PBX2: variants seen among roughly 807,000 people sequenced by gnomAD.
The protein encoded by PBX2 is pre-B-cell leukemia transcription factor 2.
A neutral mutation model predicts 46.5 loss-of-function variants in PBX2; 10 were observed. That is an observed-to-expected ratio of 0.21 (90% CI 0.13 to 0.36). The LOEUF (loss-of-function observed/expected upper bound fraction) is 0.36, where lower values mean the gene tolerates loss of function less well. Among genes scored for constraint, PBX2 ranks in the 10% least tolerant of loss-of-function variants. The pLI, the probability that PBX2 is intolerant of heterozygous loss-of-function variation, is 1.00. For missense variants in PBX2, 392 were observed against 580.5 expected (o/e 0.68, Z 3.34); for synonymous variants, 160 against 222.5 (o/e 0.72, Z 2.50).
At position 32,189,928 on chromosome 6, in the gene PBX2, G is replaced by C. The variant is rs760465390; in HGVS notation, c.-13C>G. 80 of 1,161,084 alleles carry C rather than the reference G, an allele frequency of 6.9e-5. 2 individuals carry two copies. The South Asian group carries it at 1.0e-3, about 15-fold the overall frequency. The allele number at this position is 1,161,084 out of a possible 1,614,324, so 71.9% of individuals were successfully genotyped here. A position where few individuals can be genotyped will look rare whatever the true frequency, so the allele number is the denominator to read the frequency against. ...GCCGTTCGTCCATAGCTGGGGGGGG[G>C]CCCTGAGGCCCCCTCCCTGCTCCGC... On this transcript the variant is annotated 5_prime_UTR_variant, in exon 1 of 9. Transcript: ENST00000375050. This position sits in a 1 kb window ranked among gnomAD's most constrained non-coding sequence, Gnocchi z 4.7.
rs764145411 is a variant in PBX2, at chr6:32,187,689, G to A, written c.828C>T (p.Ala276=). ...HLSNPYPSEE[A]KEELAKKCGI... is the part of the protein sequence containing the mutation. Reference sequence around the variant, plus strand: ...CACACTTCTTGGCAAGCTCCTCCTTGGCCTCCTCACTAGGATATGGGTTAC... The same window carrying A: ...CACACTTCTTGGCAAGCTCCTCCTTAGCCTCCTCACTAGGATATGGGTTAC... Residue 276 remains alanine, a synonymous_variant, in exon 5 of 9, where the codon GCC becomes GCT. Coordinates refer to ENST00000375050, the MANE Select transcript of PBX2 (RefSeq NM_002586.5). The surrounding 1 kb of genome is among the most constrained non-coding windows in gnomAD (Gnocchi z 7.7). The A allele has an allele frequency of 6.9e-5, 111 of 1,605,446 alleles. No individual in the cohort carries two copies. The highest frequency in any genetic ancestry group is 8.7e-5 in the Non-Finnish European group (102 of 1,176,386).
Position 32,187,986 on chromosome 6 carries a change from G to C in PBX2, c.714C>G (p.Arg238=). The change falls in exon 4 of 9, where the codon CGC becomes CGG. Residue 238 remains arginine, a synonymous_variant. Transcript: ENST00000375050. The surrounding 1 kb of genome is among the most constrained non-coding windows in gnomAD (Gnocchi z 7.7). ...QSTCEAVMIL[R]SRFLDARRKR... is the part of the protein sequence containing the mutation. ...CCCACCTGGCATCCAGGAAACGGGAGCGCAGGATCATCACAGCCTCGCAGG... is the reference window on the plus strand; with the variant it reads ...CCCACCTGGCATCCAGGAAACGGGACCGCAGGATCATCACAGCCTCGCAGG... 6.4e-7 allele frequency: 1 copy of C among 1,565,692 alleles called. No individual in the cohort carries two copies. Among genetic ancestry groups the C allele is most frequent in the Non-Finnish European group, 8.7e-7 (1 of 1,153,406 alleles).
Position 32,189,910 on chromosome 6 carries a change from G to C in PBX2, c.6C>G (p.Asp2Glu). The C allele has an allele frequency of 7.4e-7, 1 of 1,345,876 alleles. No individual in the cohort carries two copies. The allele number at this position is 1,345,876 out of a possible 1,614,324, so 83.4% of individuals were successfully genotyped here. Reference protein sequence around the residue: MDERLLGPPPPG... With the variant: MEERLLGPPPPG... ...GAGGGGGCGGCCCCAGTAGCCGTTCGTCCATAGCTGGGGGGGGGCCCTGAG... is the reference window on the plus strand; with the variant it reads ...GAGGGGGCGGCCCCAGTAGCCGTTCCTCCATAGCTGGGGGGGGGCCCTGAG... Residue 2 changes from aspartate (D) to glutamate (E), a missense_variant, in exon 1 of 9, where the codon GAC becomes GAG. By Grantham distance (45) the Asp-to-Glu change is conservative (BLOSUM62 2). This residue lies in a region of PBX2 where 196 missense variants were observed against 246.9 expected (regional missense o/e 0.79). Transcript: ENST00000375050. The surrounding 1 kb of genome is among the most constrained non-coding windows in gnomAD (Gnocchi z 4.7).
In PBX2 at chr6:32,186,226, AC is replaced by A. The variant is rs953852597; in HGVS notation, c.*155del. On this transcript the variant is annotated 3_prime_UTR_variant, in exon 9 of 9. Transcript: ENST00000375050. The surrounding 1 kb of genome is among the most constrained non-coding windows in gnomAD (Gnocchi z 4.2). ...CCATTCTTCCTGCCATGTAATTAGC[AC>A]CCCCAGCACAGAGAGTCTCGTTAGG... is the stretch of plus-strand genomic sequence containing the variant. 31 of 611,098 alleles carry A rather than the reference AC, an allele frequency of 5.1e-5. No homozygotes were observed. The highest frequency in any genetic ancestry group is 8.9e-5 in the Non-Finnish European group (30 of 335,802). 37.9% of individuals were successfully genotyped at this position (611,098 alleles called of 1,614,324 possible). A position where few individuals can be genotyped will look rare whatever the true frequency, so the allele number is the denominator to read the frequency against.
chr6:32,187,136 C>A lies in PBX2; in HGVS notation c.1024+106G>T. The stretch of plus-strand genomic sequence containing the variant: ...TCCAGCCTATCTCAGCTCGGTCCCT[C>A]TCACCCCAAAAGGCCCCCTCTCTGC... On this transcript the variant is annotated intron_variant, in intron 6 of 8. Coordinates refer to ENST00000375050, the MANE Select transcript of PBX2 (RefSeq NM_002586.5). The surrounding 1 kb of genome is among the most constrained non-coding windows in gnomAD (Gnocchi z 7.7). 1 of 1,420,600 alleles carries A rather than the reference C, an allele frequency of 7.0e-7. No individual in the cohort carries two copies. The highest frequency in any genetic ancestry group is 2.4e-5 in the East Asian group (1 of 41,838). The allele number at this position is 1,420,600 out of a possible 1,614,324, so 88.0% of individuals were successfully genotyped here. A position where few individuals can be genotyped will look rare whatever the true frequency, so the allele number is the denominator to read the frequency against.
In PBX2 at chr6:32,188,361, C is replaced by T. The variant is rs776911449; in HGVS notation, c.439G>A (p.Gly147Ser). 8 of 1,614,168 alleles carry T rather than the reference C, an allele frequency of 5.0e-6. No homozygotes were observed. The South Asian group carries it at 7.7e-5, about 16-fold the overall frequency. ...GAGTTGTCAGGGGACACACCACCAC[C>T]AGAGGCTGCAGCGGCTGCAGCTGCT... ...AAAAAAAAAS[G>S]GGVSPDNSIE... The change falls in exon 3 of 9, where the codon GGT becomes AGT. Residue 147 changes from glycine (G) to serine (S), a missense_variant. Physicochemically the swap from Gly to Ser is moderately conservative, Grantham distance 56 (BLOSUM62 0). Around this residue, in one of 3 missense-constraint regions of PBX2, gnomAD observed 196 missense variants for 246.9 expected, o/e 0.79. Coordinates refer to ENST00000375050, the MANE Select transcript of PBX2 (RefSeq NM_002586.5). This position sits in a 1 kb window ranked among gnomAD's most constrained non-coding sequence, Gnocchi z 6.5.
Position 32,185,090 on chromosome 6 carries a change from T to C in PBX2, c.*1292A>G, listed in dbSNP as rs1225526549. ...AAAAGATACCTCATTTATGGGGAAA[T>C]TGAGGAAGATACATATACAAGCACC... is the stretch of plus-strand genomic sequence containing the variant. On this transcript the variant is annotated 3_prime_UTR_variant, in exon 9 of 9. Coordinates refer to ENST00000375050, the MANE Select transcript of PBX2 (RefSeq NM_002586.5). The C allele has an allele frequency of 2.0e-5, 3 of 152,574 alleles. No homozygotes were observed. Among genetic ancestry groups the C allele is most frequent in the African/African-American group, 7.2e-5 (3 of 41,424 alleles). 9.5% of individuals were successfully genotyped at this position (152,574 alleles called of 1,614,324 possible). A position where few individuals can be genotyped will look rare whatever the true frequency, so the allele number is the denominator to read the frequency against.
In PBX2 at chr6:32,189,813, C is replaced by T. The variant is rs1262782632; in HGVS notation, c.103G>A (p.Gly35Arg). The T allele has an allele frequency of 3.1e-6, 5 of 1,589,742 alleles. No homozygotes were observed. In the African/African-American group the frequency reaches 5.4e-5, roughly 17 times the overall value. Residue 35 changes from glycine (G) to arginine (R), a missense_variant, in exon 1 of 9, where the codon GGA becomes AGA. By Grantham distance (125) the Gly-to-Arg change is moderately radical. Around this residue, in one of 3 missense-constraint regions of PBX2, gnomAD observed 196 missense variants for 246.9 expected, o/e 0.79. Coordinates refer to ENST00000375050, the MANE Select transcript of PBX2 (RefSeq NM_002586.5). This position sits in a 1 kb window ranked among gnomAD's most constrained non-coding sequence, Gnocchi z 4.7. ...PGGPGEPPGG[G>R]DPGGGSGGVP... ...CCCCCGCTACCCCCACCGGGGTCTC[C>T]GCCACCGGGAGGCTCGCCAGGGCCC...
Position 32,184,816 on chromosome 6 carries a change from G to A in PBX2, c.*1566C>T. 6.6e-6 allele frequency: 1 copy of A among 152,092 alleles called. No individual in the cohort carries two copies. The highest frequency in any genetic ancestry group is 1.5e-5 in the Non-Finnish European group (1 of 68,130). The allele number at this position is 152,092 out of a possible 1,614,324, so 9.4% of individuals were successfully genotyped here. A position where few individuals can be genotyped will look rare whatever the true frequency, so the allele number is the denominator to read the frequency against. On this transcript the variant is annotated 3_prime_UTR_variant, in exon 9 of 9. Coordinates refer to ENST00000375050, the MANE Select transcript of PBX2 (RefSeq NM_002586.5). ...CTACACAAGTTTACAAGTGAGGAGA[G>A]AACTGCCCCCGGCCCATGCCTCCCA...
In PBX2 at chr6:32,188,379, C is replaced by T. The variant is rs763398057; in HGVS notation, c.421G>A (p.Ala141Thr). 4.3e-6 allele frequency: 7 copies of T among 1,614,026 alleles called. No homozygotes were observed. In the South Asian group the frequency reaches 4.4e-5, roughly 10 times the overall value. Residue 141 changes from alanine (A) to threonine (T), a missense_variant, in exon 3 of 9, where the codon GCA (alanine) becomes ACA (threonine). This residue lies in a region of PBX2 where 196 missense variants were observed against 246.9 expected (regional missense o/e 0.79). Transcript: ENST00000375050. This position sits in a 1 kb window ranked among gnomAD's most constrained non-coding sequence, Gnocchi z 6.5. Reference protein sequence around the residue: ...EKGGGSAAAAAAAAASGGGVS... With the variant: ...EKGGGSAAAATAAAASGGGVS... ...CCACCACCAGAGGCTGCAGCGGCTG[C>T]AGCTGCTGCTGCTGAGCCGCCCCCT...
In PBX2 at chr6:32,186,300, T is replaced by C. The variant is rs972462649; in HGVS notation, c.*82A>G. 3.8e-5 allele frequency: 34 copies of C among 905,842 alleles called. No homozygotes were observed. The African/African-American group carries it at 4.7e-4, about 13-fold the overall frequency. 56.1% of individuals were successfully genotyped at this position (905,842 alleles called of 1,614,324 possible). On this transcript the variant is annotated 3_prime_UTR_variant, in exon 9 of 9. Coordinates refer to ENST00000375050, the MANE Select transcript of PBX2 (RefSeq NM_002586.5). This position sits in a 1 kb window ranked among gnomAD's most constrained non-coding sequence, Gnocchi z 4.2. ...TTCTCTGTCTTGTGCTTCTCCTGTA[T>C]TGGGGTTTGTCCTCTGGAAGCCTGC...
chr6:32,187,050 G>A lies in PBX2; in HGVS notation c.1025-149C>T. ...CACAGAAAGAGCAGGCTGTTCCTTGGCCACCCGTGGGAAGAAAGGCAGAAC... is the reference window on the plus strand; with the variant it reads ...CACAGAAAGAGCAGGCTGTTCCTTGACCACCCGTGGGAAGAAAGGCAGAAC... On this transcript the variant is annotated intron_variant, in intron 6 of 8. Coordinates refer to ENST00000375050, the MANE Select transcript of PBX2 (RefSeq NM_002586.5). This position sits in a 1 kb window ranked among gnomAD's most constrained non-coding sequence, Gnocchi z 7.7. The A allele has an allele frequency of 9.8e-7, 1 of 1,025,290 alleles. No homozygotes were observed. Among genetic ancestry groups the A allele is most frequent in the South Asian group, 1.5e-5 (1 of 65,026 alleles). The allele number at this position is 1,025,290 out of a possible 1,614,324, so 63.5% of individuals were successfully genotyped here.
At position 32,188,267 on chromosome 6, in the gene PBX2, T is replaced by G. The variant is rs766471830; in HGVS notation, c.533A>C (p.Lys178Thr). ...IRHIYHSELE[K>T]YEQACNEFTT... ...GCCTCCTCTCCTTACCTGCTCATACTTCTCCAGCTCCGAGTGGTATATGTG... is the reference window on the plus strand; with the variant it reads ...GCCTCCTCTCCTTACCTGCTCATACGTCTCCAGCTCCGAGTGGTATATGTG... Residue 178 changes from lysine to threonine, a missense_variant, in exon 3 of 9, where the codon AAG (lysine) becomes ACG (threonine). This residue lies in a region of PBX2 where 196 missense variants were observed against 246.9 expected (regional missense o/e 0.79). Coordinates refer to ENST00000375050, the MANE Select transcript of PBX2 (RefSeq NM_002586.5). This position sits in a 1 kb window ranked among gnomAD's most constrained non-coding sequence, Gnocchi z 6.5. 6.2e-7 allele frequency: 1 copy of G among 1,613,880 alleles called. No homozygotes were observed. Among genetic ancestry groups the G allele is most frequent in the Non-Finnish European group, 8.5e-7 (1 of 1,180,012 alleles).
chr6:32,188,672 T>C lies in PBX2; in HGVS notation c.295+51A>G, dbSNP rs1419195919. On this transcript the variant is annotated intron_variant, in intron 2 of 8. Coordinates refer to ENST00000375050, the MANE Select transcript of PBX2 (RefSeq NM_002586.5). The surrounding 1 kb of genome is among the most constrained non-coding windows in gnomAD (Gnocchi z 6.5). ...AAGTTGTCACACTCTAGCCCTATAATGAACAGGGTTCTGTTCCCAGAGTTG... is the reference window on the plus strand; with the variant it reads ...AAGTTGTCACACTCTAGCCCTATAACGAACAGGGTTCTGTTCCCAGAGTTG... The C allele has an allele frequency of 1.3e-6, 2 of 1,592,990 alleles. No homozygotes were observed. Among genetic ancestry groups the C allele is most frequent in the East Asian group, 2.2e-5 (1 of 44,674 alleles).
chr6:32,188,748 G>A lies in PBX2; in HGVS notation c.270C>T (p.Val90=). 6.2e-7 allele frequency: 1 copy of A among 1,612,962 alleles called. No homozygotes were observed. Among genetic ancestry groups the A allele is most frequent in the Non-Finnish European group, 8.5e-7 (1 of 1,179,992 alleles). ...CHRMKPALFS[V]LCEIKEKTGL... is the part of the protein sequence containing the mutation. ...CAGTTTTCTCCTTGATTTCACACAG[G>A]ACGCTAAAGAGAGCAGGCTTCATTC... The change falls in exon 2 of 9, where the codon GTC becomes GTT. Residue 90 remains valine, a synonymous_variant. Coordinates refer to ENST00000375050, the MANE Select transcript of PBX2 (RefSeq NM_002586.5). The surrounding 1 kb of genome is among the most constrained non-coding windows in gnomAD (Gnocchi z 6.5).
rs747207411 is a variant in PBX2, at chr6:32,187,420, G to A, written c.871-25C>T. On this transcript the variant is annotated intron_variant, in intron 5 of 8. Transcript: ENST00000375050. This position sits in a 1 kb window ranked among gnomAD's most constrained non-coding sequence, Gnocchi z 7.7. The stretch of plus-strand genomic sequence containing the variant: ...CCTGTGGGGCAGAAAGGAGGGTCAG[G>A]TAGAAACATTTGCCTCTGAAGTCCT... 4 of 1,610,310 alleles carry A rather than the reference G, an allele frequency of 2.5e-6. No homozygotes were observed. In the African/African-American group the frequency reaches 5.3e-5, roughly 22 times the overall value.
Position 32,188,329 on chromosome 6 carries a change from T to A in PBX2, c.471A>T (p.Glu157Asp), listed in dbSNP as rs1787236477. ...GGGVSPDNSI[E>D]HSDYRSKLAQ... Reference sequence around the variant, plus strand: ...CAAGTTTGCTGCGATAGTCCGAGTGTTCGATGGAGTTGTCAGGGGACACAC... The same window carrying A: ...CAAGTTTGCTGCGATAGTCCGAGTGATCGATGGAGTTGTCAGGGGACACAC... The change falls in exon 3 of 9, where the codon GAA (glutamate) becomes GAT (aspartate). Residue 157 changes from glutamate to aspartate, a missense_variant. This residue lies in a region of PBX2 where 196 missense variants were observed against 246.9 expected (regional missense o/e 0.79). Transcript: ENST00000375050. The surrounding 1 kb of genome is among the most constrained non-coding windows in gnomAD (Gnocchi z 6.5). The A allele has an allele frequency of 6.2e-7, 1 of 1,614,008 alleles. No individual in the cohort carries two copies. Among genetic ancestry groups the A allele is most frequent in the Admixed American group, 1.7e-5 (1 of 60,000 alleles).
Position 32,188,723 on chromosome 6 carries a change from CA to C in PBX2, c.294del (p.Gly99AlafsTer17). On this transcript the variant is annotated frameshift_variant and splice_region_variant, in exon 2 of 9. Transcript: ENST00000375050. LOFTEE classifies it high-confidence loss of function. The surrounding 1 kb of genome is among the most constrained non-coding windows in gnomAD (Gnocchi z 6.5). ...AGCAATCCGGGGGGGGCCCACATAC[CA>C]GTTTTCTCCTTGATTTCACACAGGA... ...FSVLCEIKEKTGLSIRSSQEE... is the reference protein window; with the variant it reads ...FSVLCEIKEKXGLSIRSSQEE... 1 of 1,612,768 alleles carries C rather than the reference CA, an allele frequency of 6.2e-7. No homozygotes were observed. The highest frequency in any genetic ancestry group is 8.5e-7 in the Non-Finnish European group (1 of 1,179,870).
At position 32,187,094 on chromosome 6, in the gene PBX2, C is replaced by A; in HGVS notation, c.1024+148G>T. On this transcript the variant is annotated intron_variant, in intron 6 of 8. Coordinates refer to ENST00000375050, the MANE Select transcript of PBX2 (RefSeq NM_002586.5). This position sits in a 1 kb window ranked among gnomAD's most constrained non-coding sequence, Gnocchi z 7.7. ...GCAGAACTAAGATCACTGGAATGGCCTCTGTCCCCTGACATCTCCAGCCTA... is the reference window on the plus strand; with the variant it reads ...GCAGAACTAAGATCACTGGAATGGCATCTGTCCCCTGACATCTCCAGCCTA... 1 of 1,120,040 alleles carries A rather than the reference C, an allele frequency of 8.9e-7. No homozygotes were observed. 69.4% of individuals were successfully genotyped at this position (1,120,040 alleles called of 1,614,324 possible).
Sources: allele counts gnomAD v4.1 joint callset, GRCh38; gene constraint gnomAD v4.1.1; regional missense constraint gnomAD v4.1.1; non-coding constraint Gnocchi (gnomAD v3.1); transcripts MANE v1.5; gene names NCBI Gene and HGNC (gene_info 2026-07-23, HGNC 2026-07-21).